The following QRFPR variants were observed in gnomAD, a reference collection of about 807,000 sequenced individuals.
QRFPR encodes pyroglutamylated RFamide peptide receptor, also known as pyroglutamylated RF-amide peptide receptor.
In QRFPR, 37 loss-of-function variants were observed where a neutral mutation model predicts 31.3. That is an observed-to-expected ratio of 1.18 (90% CI 0.91 to 1.56). The LOEUF is 1.56. Ranked by LOEUF, QRFPR falls within the 40% of genes most tolerant of loss-of-function variation. The pLI is 0.00. For missense variants in QRFPR, 542 were observed against 532.5 expected (o/e 1.02, Z -0.18); for synonymous variants, 197 against 192.0 (o/e 1.03, Z -0.22).
At chr4:121,354,139 G>C (rs60327373) in intron 1 of QRFPR, among the ~76,000 whole-genome samples, 1 of 152,082 alleles carries the variant, frequency 6.6e-6, no homozygotes, top group South Asian at 2.1e-4. Context: ...AAGTCAGATC[G>C]TGCGGTTTTT....
At chr4:121,352,788 AC>A (rs1461953266) in intron 1 of QRFPR, among the ~76,000 whole-genome samples, 2 of 151,942 alleles carry the variant, frequency 1.3e-5, no homozygotes, top group Non-Finnish European at 2.9e-5. Context: ...AAACATAGTC[AC>A]CCTATTGTGC....
intron 1 of QRFPR, chr4:121,369,322 C>A: frequency 5.3e-6 from 3 of 560,974 alleles, no homozygotes; most frequent in Non-Finnish European, 9.5e-6. Context: ...AGCCACTGTG[C>A]CCAGCTGATT....
chr4:121,334,798 G>C (rs1342465940), intron 3 of QRFPR, among the ~76,000 whole-genome samples: 3 of 152,210 alleles, frequency 2.0e-5, no homozygotes, highest in African/African-American at 7.2e-5. Flanking sequence ...GAGAGCGGCA[G>C]TGAGAAATGC....
chr4:121,365,347 G>A (rs1726071254), intron 1 of QRFPR, among the ~76,000 whole-genome samples: 1 of 141,478 alleles, frequency 7.1e-6, no homozygotes, highest in South Asian at 2.2e-4. Flanking sequence ...CCAGCTACTC[G>A]GGAGGCTGAG....
intron 1 of QRFPR, among the ~76,000 whole-genome samples, chr4:121,372,620 T>G (rs1020208128): frequency 6.6e-6 from 1 of 152,206 alleles, no homozygotes; most frequent in African/African-American, 2.4e-5. Context: ...TTAGTACCTT[T>G]TCTGTCTCTA....
rs1263143875 is a variant in QRFPR, at chr4:121,365,569, A to T, written c.340+14739T>A. 1.9e-3 allele frequency among the ~76,000 whole-genome samples: 5 copies of T among 2,638 alleles called. 1 individual carries two copies. The highest frequency in any genetic ancestry group is 9.4e-3 in the African/African-American group (5 of 534). 1.7% of individuals were successfully genotyped at this position (2,638 alleles called of 152,430 possible). ...ATATATAATATATAATATATATTATATATAATATATATTATATATATTATA... is the reference window on the plus strand; with the variant it reads ...ATATATAATATATAATATATATTATTTATAATATATATTATATATATTATA... On this transcript the variant is annotated intron_variant, in intron 1 of 5. Coordinates refer to ENST00000394427, the MANE Select transcript of QRFPR (RefSeq NM_198179.3).
chr4:121,343,690 C>T (rs964914890), intron 1 of QRFPR, among the ~76,000 whole-genome samples: 1 of 151,996 alleles, frequency 6.6e-6, no homozygotes, highest in South Asian at 2.1e-4. Flanking sequence ...TTAATCAGAA[C>T]TTTTTCTATT....
At chr4:121,369,719 G>C (rs1268354454) in intron 1 of QRFPR, 4 of 1,596,638 alleles carry the variant, frequency 2.5e-6, no homozygotes, top group South Asian at 1.1e-5. Context: ...CCCACTTCCA[G>C]AGTCCATGGT....
chr4:121,364,596 C>T lies in QRFPR; in HGVS notation c.340+15712G>A, dbSNP rs1408466706. 4.1e-5 allele frequency among the ~76,000 whole-genome samples: 6 copies of T among 147,912 alleles called. 1 individual carries two copies. The highest frequency in any genetic ancestry group is 7.5e-5 in the Non-Finnish European group (5 of 67,072). ...CGGAGCTTGCTGTGAGCCGAGATTG[C>T]GCCACTGCACTCCAGCCTGGGCCAC... is the stretch of plus-strand genomic sequence containing the variant. On this transcript the variant is annotated intron_variant, in intron 1 of 5. Transcript: ENST00000394427.
chr4:121,343,929 T>C (rs17051341), intron 1 of QRFPR, among the ~76,000 whole-genome samples: 5,284 of 152,246 alleles, frequency 0.035, 279 homozygotes, highest in African/African-American at 0.12. Flanking sequence ...TTATCTGATT[T>C]CTTAGCCACT....
intron 1 of QRFPR, among the ~76,000 whole-genome samples, chr4:121,344,855 G>C (rs1725613169): frequency 6.6e-6 from 1 of 151,956 alleles, no homozygotes; most frequent in African/African-American, 2.4e-5. Context: ...GAATTGTATG[G>C]GTCTAAATTA....
In QRFPR at chr4:121,356,043, T is replaced by C. The variant is rs112874154; in HGVS notation, c.341-15433A>G. On this transcript the variant is annotated intron_variant, in intron 1 of 5. Coordinates refer to ENST00000394427, the MANE Select transcript of QRFPR (RefSeq NM_198179.3). ...AGAATGTGTAGCTGCAGCTGTTGAA[T>C]GAAATGTTCTGTAAATATATATTAG... Among the ~76,000 whole-genome samples the C allele has an allele frequency of 1.3e-5, 2 of 152,130 alleles. 1 individual carries two copies. Among genetic ancestry groups the C allele is most frequent in the African/African-American group, 4.8e-5 (2 of 41,432 alleles).
At chr4:121,377,414 T>TA (rs202191502) in intron 1 of QRFPR, among the ~76,000 whole-genome samples, 2,109 of 39,032 alleles carry the variant, frequency 0.054, 26 homozygotes, top group Non-Finnish European at 0.08. Context: ...TATATATATA[T>TA]TTTTTTTTTT....
chr4:121,365,557 A>AATATATTATATATT (rs1726094065), intron 1 of QRFPR, among the ~76,000 whole-genome samples: 2 of 13,378 alleles, frequency 1.5e-4, no homozygotes, highest in Admixed American at 1.1e-3. Flanking sequence ...TATAATATAT[A>AATATATTATATATT]ATATATATTA....
chr4:121,329,611 T>A lies in QRFPR; in HGVS notation c.999A>T (p.Ala333=), dbSNP rs771337426. The A allele has an allele frequency of 1.2e-6, 2 of 1,613,020 alleles. No homozygotes were observed. Among genetic ancestry groups the A allele is most frequent in the Admixed American group, 1.7e-5 (1 of 59,914 alleles). ...TTTTTTTGAAGTTTTCATTCATAAA[T>A]GCATAGACAATGGGATTACAGATGG... The part of the protein sequence containing the change: ...SNSICNPIVY[A]FMNENFKKNV... The change falls in exon 6 of 6, where the codon GCA becomes GCT. Residue 333 remains alanine (A), a synonymous_variant. Transcript: ENST00000394427.
rs116792034 is a variant in QRFPR at position 121,368,799 on chromosome 4, C to T, written c.340+11509G>A. On this transcript the variant is annotated intron_variant, in intron 1 of 5. Coordinates refer to ENST00000394427, the MANE Select transcript of QRFPR (RefSeq NM_198179.3). ...GAATCAAGAAGCCTGGGTTTTGGAA[C>T]AGCACAAACATTCTTTACCTAGTAA... 7.7e-3 allele frequency among the ~76,000 whole-genome samples: 1,158 copies of T among 150,580 alleles called. 62 individuals are homozygous for T. The highest frequency in any genetic ancestry group is 0.026 in the African/African-American group (1,063 of 40,840).
At chr4:121,365,575 T>TATATAATATATA (rs1726100621) in intron 1 of QRFPR, among the ~76,000 whole-genome samples, 1 of 1,488 alleles carries the variant, frequency 6.7e-4, no homozygotes, top group African/African-American at 3.8e-3. Flanking sequence ...TTATATATAA[T>TATATAATATATA]ATATATTATA....
intron 1 of QRFPR, among the ~76,000 whole-genome samples, chr4:121,357,139 C>A (rs1019378744): frequency 2.0e-5 from 3 of 152,000 alleles, no homozygotes; most frequent in African/African-American, 7.3e-5. Context: ...TTATGGAGGT[C>A]AGAAATTTGA....
chr4:121,366,251 G>A (rs1198626921), intron 1 of QRFPR, among the ~76,000 whole-genome samples: 1 of 149,844 alleles, frequency 6.7e-6, no homozygotes, highest in East Asian at 2.0e-4. Flanking sequence ...ATGAGCTTGG[G>A]CATTTTACTT....
Sources: gnomAD v4.1 joint callset for allele counts (sites outside exome capture counted in the v4.1 genomes callset) on GRCh38, gnomAD v4.1.1 for gene constraint, MANE v1.5 for transcripts, NCBI Gene and HGNC (gene_info 2026-07-23, HGNC 2026-07-21) for gene names.